Variants in FAM184B observed in about 807,000 individuals in gnomAD.
FAM184B encodes the protein family with sequence similarity 184 member B.
In FAM184B, 111 loss-of-function variants were observed where a neutral mutation model predicts 135.9. That is an observed-to-expected ratio of 0.82 (90% CI 0.70 to 0.96). The LOEUF (loss-of-function observed/expected upper bound fraction) is 0.96, where lower values mean the gene tolerates loss of function less well. Among genes scored for constraint, FAM184B ranks in the 40% least tolerant of loss-of-function variants. The probability of loss-of-function intolerance (pLI) is 0.00; values close to 1 mark genes in which losing one functional copy is unlikely to be tolerated. For missense variants in FAM184B, 1,375 were observed against 1,323.9 expected, an observed-to-expected ratio of 1.04 and a Z score of -0.60; for synonymous variants, 552 against 524.8, an observed-to-expected ratio of 1.05 and a Z score of -0.71.
rs6811887 is a variant in FAM184B at position 17,639,235 on chromosome 4, C to T, written c.2666+15G>A. The T allele has an allele frequency of 0.59, 920,349 of 1,550,416 alleles. 281,563 individuals are homozygous for T. The highest frequency in any genetic ancestry group is 0.91 in the East Asian group (37,103 of 40,904). ...CATTTGCAAGACCCTCCCTGGGGCCCGAGGCCTCACTTACTCGGCTTCCAG... is the reference window on the plus strand; with the variant it reads ...CATTTGCAAGACCCTCCCTGGGGCCTGAGGCCTCACTTACTCGGCTTCCAG... On this transcript the variant is annotated intron_variant, in intron 14 of 17. Transcript: ENST00000265018.
chr4:17,713,356 C>T (rs962173922), intron 1 of FAM184B, among the ~76,000 whole-genome samples: 1 of 152,152 alleles, frequency 6.6e-6, no homozygotes, highest in African/African-American at 2.4e-5. Flanking sequence ...CCAGGAAGAT[C>T]CTGCAATGAA....
At chr4:17,711,146 A>G (rs1363965799) in intron 1 of FAM184B, among the ~76,000 whole-genome samples, 1 of 151,742 alleles carries the variant, frequency 6.6e-6, no homozygotes, top group African/African-American at 2.4e-5. Flanking sequence ...TGAGCATAAG[A>G]TTTTGAGACC....
chr4:17,650,716 G>A (rs73800325), intron 11 of FAM184B, among the ~76,000 whole-genome samples: 9,912 of 152,162 alleles, frequency 0.065, 1,104 homozygotes, highest in African/African-American at 0.23. Flanking sequence ...CCATTCCAGG[G>A]TAGCTGCTAA....
intron 3 of FAM184B, 146 bp from the exon 4 acceptor site, chr4:17,706,037 C>T: frequency 9.6e-7 from 1 of 1,043,840 alleles, no homozygotes; most frequent in African/African-American, 1.6e-5. Flanking sequence ...TCTGCTGACC[C>T]CGAAGCATGG....
chr4:17,693,584 G>A (rs776906477), intron 5 of FAM184B, among the ~76,000 whole-genome samples, 172 bp from the exon 6 acceptor site: 2 of 152,098 alleles, frequency 1.3e-5, no homozygotes, highest in Non-Finnish European at 2.9e-5. Context: ...ACGTGTTAAC[G>A]TCACAACACA....
chr4:17,679,008 C>T (rs1335777721), intron 7 of FAM184B, among the ~76,000 whole-genome samples: 2 of 152,198 alleles, frequency 1.3e-5, no homozygotes, highest in African/African-American at 2.4e-5. Context: ...CCTAATCTCT[C>T]ACCTTATACA....
intron 1 of FAM184B, among the ~76,000 whole-genome samples, chr4:17,747,920 CAAAAAAAAAAAA>C (rs71167333): frequency 1.4e-4 from 3 of 21,704 alleles, no homozygotes; most frequent in Non-Finnish European, 2.3e-4. Context: ...GACTCTGTCT[CAAAAAAAAAAAA>C]AAAAAAAAAA....
chr4:17,740,040 A>G (rs1355497095), intron 1 of FAM184B, among the ~76,000 whole-genome samples: 1 of 152,152 alleles, frequency 6.6e-6, no homozygotes, highest in Non-Finnish European at 1.5e-5. Flanking sequence ...TGTCTGGCAC[A>G]AAACAGGCAC....
intron 1 of FAM184B, among the ~76,000 whole-genome samples, chr4:17,763,516 C>T (rs1414794352): frequency 6.6e-6 from 1 of 152,124 alleles, no homozygotes; most frequent in African/African-American, 2.4e-5. Context: ...CAAATAGGCC[C>T]CGCTCCAGGG....
chr4:17,740,122 T>C (rs1717999160), intron 1 of FAM184B, among the ~76,000 whole-genome samples: 1 of 151,724 alleles, frequency 6.6e-6, no homozygotes. Context: ...GAGGCTGAGG[T>C]GGGCGGATCG....
At chr4:17,732,053 A>G (rs938111202) in intron 1 of FAM184B, among the ~76,000 whole-genome samples, 7 of 152,356 alleles carry the variant, frequency 4.6e-5, no homozygotes, top group East Asian at 1.9e-4. Flanking sequence ...GCTCAACTAC[A>G]TGGAAACTGA....
At chr4:17,672,130 C>A (rs1716181322) in intron 7 of FAM184B, among the ~76,000 whole-genome samples, 1 of 151,888 alleles carries the variant, frequency 6.6e-6, no homozygotes, top group African/African-American at 2.4e-5. Context: ...GTCAAAGACA[C>A]AAAATTTTGA....
chr4:17,689,070 C>T (rs1413333576), intron 6 of FAM184B, among the ~76,000 whole-genome samples: 1 of 152,148 alleles, frequency 6.6e-6, no homozygotes, highest in Non-Finnish European at 1.5e-5. Flanking sequence ...TAGTATTCCA[C>T]ACTTTCCTTA....
intron 1 of FAM184B, among the ~76,000 whole-genome samples, chr4:17,747,665 T>TA (rs1320687618): frequency 6.6e-6 from 1 of 152,006 alleles, no homozygotes; most frequent in African/African-American, 2.4e-5. Context: ...CTCACGCCTG[T>TA]AATCCCAGCA....
intron 1 of FAM184B, among the ~76,000 whole-genome samples, chr4:17,732,606 G>T (rs1437289886): frequency 6.6e-6 from 1 of 152,072 alleles, no homozygotes; most frequent in African/African-American, 2.4e-5. Context: ...ATAAATTCCT[G>T]GACACATACA....
rs958930827 is a variant in FAM184B at position 17,636,614 on chromosome 4, C to A, written c.2698G>T (p.Gly900Ter). The A allele has an allele frequency of 6.4e-7, 1 of 1,550,478 alleles. No homozygotes were observed. The highest frequency in any genetic ancestry group is 8.7e-7 in the Non-Finnish European group (1 of 1,146,862). ...LKDSGEKPGK[G>*]ASRPEDLQLI... ...TGAAGGTCCTCGGGCCTGGACGCTC[C>A]CTTCCCTGGCTTCTCTCCGGAATCT... The change falls in exon 15 of 18, where the codon GGA becomes TGA. Residue 900 changes from glycine to a stop codon, truncating the protein, a stop_gained. Coordinates refer to ENST00000265018, the MANE Select transcript of FAM184B (RefSeq NM_015688.2). LOFTEE classifies it high-confidence loss of function.
intron 8 of FAM184B, among the ~76,000 whole-genome samples, chr4:17,663,976 C>T (rs888155766): frequency 1.3e-5 from 2 of 152,144 alleles, no homozygotes; most frequent in African/African-American, 4.8e-5. Context: ...TGTAAGTTTC[C>T]TGAGACCTCC....
At chr4:17,729,980 A>G (rs1004645243) in intron 1 of FAM184B, among the ~76,000 whole-genome samples, 2 of 152,236 alleles carry the variant, frequency 1.3e-5, no homozygotes, top group African/African-American at 4.8e-5. Context: ...CTACAGGAGG[A>G]AATTCAAACA....
At chr4:17,721,589 G>A (rs866102554) in intron 1 of FAM184B, among the ~76,000 whole-genome samples, 3 of 152,010 alleles carry the variant, frequency 2.0e-5, no homozygotes, top group Non-Finnish European at 2.9e-5. Context: ...GGCGTCCTCC[G>A]GGGCAGAGCC....
Sources: allele counts gnomAD v4.1 joint callset (sites outside exome capture counted in the v4.1 genomes callset), GRCh38; gene constraint gnomAD v4.1.1; transcripts MANE v1.5; gene names NCBI Gene and HGNC (gene_info 2026-07-23, HGNC 2026-07-21).